ITPKB: variants seen among roughly 807,000 people sequenced by gnomAD.
ITPKB encodes the protein inositol-trisphosphate 3-kinase B.
In ITPKB, 13 loss-of-function variants were observed where a neutral mutation model predicts 69.4. The observed-to-expected ratio is 0.19, with a 90% CI of 0.12 to 0.30. The LOEUF is 0.30. Ranked by LOEUF, ITPKB falls within the 10% of genes least tolerant of loss-of-function variation. ITPKB has a pLI of 1.00. For synonymous variants in ITPKB, 584 were observed against 513.7 expected (o/e 1.14, Z -1.85); for missense variants, 1,240 against 1,250.5 (o/e 0.99, Z 0.13).
chr1:226,734,384 T>G (rs1657683781), intron 2 of ITPKB, among the ~76,000 whole-genome samples: 1 of 152,242 alleles, frequency 6.6e-6, no homozygotes, highest in African/African-American at 2.4e-5. Context: ...AATACCTTAG[T>G]GAAGAATGCA....
At chr1:226,702,399 G>GAAA (rs397714660) in intron 2 of ITPKB, among the ~76,000 whole-genome samples, 6 of 136,898 alleles carry the variant, frequency 4.4e-5, no homozygotes, top group African/African-American at 1.6e-4. Context: ...CTCCCTCTCG[G>GAAA]AAAAAAAAAA....
chr1:226,680,646 G>C (rs114282616), intron 2 of ITPKB, among the ~76,000 whole-genome samples: 1,679 of 152,288 alleles, frequency 0.011, 36 homozygotes, highest in African/African-American at 0.039. Context: ...GGAAAGAGAT[G>C]GATATTGATG....
At position 226,655,384 on chromosome 1, in the gene ITPKB, C is replaced by T. The variant is rs1030441867; in HGVS notation, c.1933-6613G>A. On this transcript the variant is annotated intron_variant, in intron 2 of 7. Transcript: ENST00000429204. The stretch of plus-strand genomic sequence containing the variant: ...TGCCTCCTGGGGAGGAAATGGCCCC[C>T]GTTAGGAGACAGCAGGTGACCCCAG... Among the ~76,000 whole-genome samples, 12 of 152,198 alleles carry T rather than the reference C, an allele frequency of 7.9e-5. 1 individual carries two copies. The highest frequency in any genetic ancestry group is 7.2e-4 in the Admixed American group (11 of 15,290).
chr1:226,667,652 T>C (rs913677978), intron 2 of ITPKB, among the ~76,000 whole-genome samples: 1 of 152,158 alleles, frequency 6.6e-6, no homozygotes, highest in Admixed American at 6.5e-5. Context: ...ATCAGTGCTG[T>C]CCCTGGATGC....
At position 226,712,060 on chromosome 1, in the gene ITPKB, G is replaced by A. The variant is rs531410882; in HGVS notation, c.1932+23467C>T. On this transcript the variant is annotated intron_variant, in intron 2 of 7. Coordinates refer to ENST00000429204, the MANE Select transcript of ITPKB (RefSeq NM_002221.4). ...GCTTCAGGAAATGTTCTCCCCGGTGGTGTACAGTAAGCCGCGAGGGTGGAA... is the reference window on the plus strand; with the variant it reads ...GCTTCAGGAAATGTTCTCCCCGGTGATGTACAGTAAGCCGCGAGGGTGGAA... 2.6e-5 allele frequency among the ~76,000 whole-genome samples: 4 copies of A among 152,326 alleles called. No individual in the cohort carries two copies. In the South Asian group the frequency reaches 8.3e-4, roughly 32 times the overall value.
rs1668861339 is a variant in ITPKB at position 226,637,415 on chromosome 1, G to A, written c.2625+264C>T. 6.6e-6 allele frequency among the ~76,000 whole-genome samples: 1 copy of A among 152,214 alleles called. No individual in the cohort carries two copies. The highest frequency in any genetic ancestry group is 1.5e-5 in the Non-Finnish European group (1 of 68,038). On this transcript the variant is annotated intron_variant, in intron 7 of 7. Coordinates refer to ENST00000429204, the MANE Select transcript of ITPKB (RefSeq NM_002221.4). This position sits in a 1 kb window ranked among gnomAD's most constrained non-coding sequence, Gnocchi z 4.3. Reference sequence around the variant, plus strand: ...ATATGAGTCCTGCCACCACTGCCCAGAATGGACAAGACTCTGGAGCTGGAA... The same window carrying A: ...ATATGAGTCCTGCCACCACTGCCCAAAATGGACAAGACTCTGGAGCTGGAA...
At chr1:226,660,484 G>A (rs1203996548) in intron 2 of ITPKB, among the ~76,000 whole-genome samples, 1 of 152,332 alleles carries the variant, frequency 6.6e-6, no homozygotes, top group African/African-American at 2.4e-5. Flanking sequence ...GCAGGGCCCA[G>A]CAAATGCTCC....
At position 226,737,110 on chromosome 1, in the gene ITPKB, CGGCTGCCACCACCT is replaced by C; in HGVS notation, c.335_348del (p.Gln112ArgfsTer35). The C allele has an allele frequency of 6.2e-7, 1 of 1,605,552 alleles. No individual in the cohort carries two copies. The highest frequency in any genetic ancestry group is 8.5e-7 in the Non-Finnish European group (1 of 1,179,722). ...TCCGGCCCTGGCGGGGAGAGGGTACCGGCTGCCACCACCTGCTGCCGGTCCCCTCGCAGGCGACC... is the reference window on the plus strand; with the variant it reads ...TCCGGCCCTGGCGGGGAGAGGGTACCGCTGCCGGTCCCCTCGCAGGCGACC... On this transcript the variant is annotated frameshift_variant, in exon 2 of 8. Transcript: ENST00000429204. LOFTEE classifies it high-confidence loss of function.
At chr1:226,694,100 A>G (rs1370654786) in intron 2 of ITPKB, among the ~76,000 whole-genome samples, 1 of 152,256 alleles carries the variant, frequency 6.6e-6, no homozygotes, top group Non-Finnish European at 1.5e-5. Flanking sequence ...GAGCATTTAC[A>G]GGGAAAGATA....
chr1:226,658,298 C>T lies in ITPKB; in HGVS notation c.1933-9527G>A, dbSNP rs531948187. Among the ~76,000 whole-genome samples, 4 of 152,332 alleles carry T rather than the reference C, an allele frequency of 2.6e-5. No homozygotes were observed. The South Asian group carries it at 6.2e-4, about 24-fold the overall frequency. ...TTCATTGTATTCCCCCTGGCAGGGC[C>T]CAGCTGGGTTGGCGGCAGCTGGGTA... On this transcript the variant is annotated intron_variant, in intron 2 of 7. Transcript: ENST00000429204.
intron 3 of ITPKB, among the ~76,000 whole-genome samples, chr1:226,648,265 G>A (rs1440989755): frequency 6.6e-6 from 1 of 152,214 alleles, no homozygotes; most frequent in Admixed American, 6.5e-5. Context: ...TGGCAATTTA[G>A]GCACACAGTA....
intron 2 of ITPKB, among the ~76,000 whole-genome samples, chr1:226,662,564 C>T (rs542530625): frequency 6.6e-6 from 1 of 152,310 alleles, no homozygotes; most frequent in Non-Finnish European, 1.5e-5. Context: ...CATTAATGGA[C>T]AAAACACTGC....
At chr1:226,710,151 G>A (rs1373580281) in intron 2 of ITPKB, among the ~76,000 whole-genome samples, 3 of 152,206 alleles carry the variant, frequency 2.0e-5, no homozygotes, top group Admixed American at 1.3e-4. Context: ...CATTGGAAAA[G>A]AAGTCTGGGG....
Position 226,688,651 on chromosome 1 carries a change from G to C in ITPKB, c.1933-39880C>G, listed in dbSNP as rs537897776. On this transcript the variant is annotated intron_variant, in intron 2 of 7. Coordinates refer to ENST00000429204, the MANE Select transcript of ITPKB (RefSeq NM_002221.4). The stretch of plus-strand genomic sequence containing the variant: ...GCTGCTGCCACAGTCAGCTGTGCCA[G>C]AGCAGCCTGCCGGGTCCCAGGCAGA... Among the ~76,000 whole-genome samples the C allele has an allele frequency of 4.6e-5, 7 of 152,354 alleles. No homozygotes were observed. The South Asian group carries it at 1.0e-3, about 23-fold the overall frequency.
chr1:226,685,596 C>A (rs1656188503), intron 2 of ITPKB, among the ~76,000 whole-genome samples: 1 of 152,182 alleles, frequency 6.6e-6, no homozygotes, highest in African/African-American at 2.4e-5. Flanking sequence ...CACGGCATGA[C>A]CCTGCCCTCA....
At chr1:226,691,957 C>T (rs903994621) in intron 2 of ITPKB, among the ~76,000 whole-genome samples, 1 of 152,202 alleles carries the variant, frequency 6.6e-6, no homozygotes, top group Non-Finnish European at 1.5e-5. Context: ...TTCCTCTGGG[C>T]TCCCAGGTAC....
At chr1:226,733,348 G>A (rs1657648990) in intron 2 of ITPKB, among the ~76,000 whole-genome samples, 1 of 152,166 alleles carries the variant, frequency 6.6e-6, no homozygotes, top group Admixed American at 6.6e-5. Flanking sequence ...CCAGCCAAAA[G>A]ACTCACTCCA....
intron 2 of ITPKB, chr1:226,656,971 T>C (rs896932935): frequency 1.3e-5 from 2 of 152,278 alleles, no homozygotes; most frequent in Non-Finnish European, 2.9e-5. Flanking sequence ...GAAATGATTT[T>C]TTCCTCCAAG....
chr1:226,635,738 A>G (rs995740960), intron 7 of ITPKB, among the ~76,000 whole-genome samples: 6 of 152,356 alleles, frequency 3.9e-5, no homozygotes, highest in Admixed American at 3.9e-4. Context: ...CTGCAGATTC[A>G]GCGTGGGCAG....
Sources: allele counts gnomAD v4.1 joint callset (sites outside exome capture counted in the v4.1 genomes callset), GRCh38; gene constraint gnomAD v4.1.1; non-coding constraint Gnocchi (gnomAD v3.1); transcripts MANE v1.5; gene names NCBI Gene and HGNC (gene_info 2026-07-23, HGNC 2026-07-21).